The following NAALADL2 variants were observed in gnomAD, a reference collection of about 807,000 sequenced individuals.
The protein encoded by NAALADL2 is inactive N-acetylated-alpha-linked acidic dipeptidase-like protein 2.
Under a neutral mutation model 87.2 loss-of-function variants are expected in NAALADL2, and 76 were observed. The ratio of observed to expected loss-of-function variants is 0.87; its 90% CI spans 0.72 to 1.05. NAALADL2 has a LOEUF of 1.05. Ranked by LOEUF, NAALADL2 falls within the 50% of genes least tolerant of loss-of-function variation. The pLI is 0.00. For synonymous variants in NAALADL2, 354 were observed against 331.0 expected (o/e 1.07, Z -0.75); for missense variants, 1,089 against 945.8 (o/e 1.15, Z -1.99).
chr3:175,636,705 AAAAAAAAAAG>A (rs905909498), intron 11 of NAALADL2, among the ~76,000 whole-genome samples: 6 of 151,010 alleles, frequency 4.0e-5, no homozygotes, highest in Non-Finnish European at 7.4e-5. Context: ...CTAAAAAAAA[AAAAAAAAAAG>A]AAAAAAAAAG....
rs145688436 is a variant in NAALADL2, at chr3:174,949,304, T to C, written c.43+89854T>C. On this transcript the variant is annotated intron_variant, in intron 1 of 13. Coordinates refer to ENST00000454872, the MANE Select transcript of NAALADL2 (RefSeq NM_207015.3). The stretch of plus-strand genomic sequence containing the variant: ...GGTGCAAGTGTCCCCAGAAAGCCAA[T>C]TGGAATCTATTTTACCTGTTACGAC... Among the ~76,000 whole-genome samples, 1,176 of 152,192 alleles carry C rather than the reference T, an allele frequency of 7.7e-3. 6 individuals are homozygous for C. Among genetic ancestry groups the C allele is most frequent in the Middle Eastern group, 0.037 (11 of 294 alleles).
intron 9 of NAALADL2, among the ~76,000 whole-genome samples, chr3:175,553,821 ATTAAT>A (rs1341748520): frequency 4.6e-5 from 7 of 151,590 alleles, no homozygotes; most frequent in Non-Finnish European, 8.8e-5. Flanking sequence ...ATCAGTATTG[ATTAAT>A]TTATTAATTT....
At chr3:175,042,218 GGTTC>G (rs1754156530) in intron 1 of NAALADL2, among the ~76,000 whole-genome samples, 1 of 151,942 alleles carries the variant, frequency 6.6e-6, no homozygotes, top group Non-Finnish European at 1.5e-5. Flanking sequence ...ATGTCCTCCA[GGTTC>G]ATTTATGTTA....
At chr3:175,208,103 C>T (rs971354552) in intron 2 of NAALADL2, among the ~76,000 whole-genome samples, 3 of 152,116 alleles carry the variant, frequency 2.0e-5, no homozygotes, top group Non-Finnish European at 2.9e-5. Context: ...TGTTCATGTT[C>T]CTCCATCTGA....
intron 3 of NAALADL2, among the ~76,000 whole-genome samples, chr3:174,774,075 C>CT (rs1714907347): frequency 6.6e-6 from 1 of 152,148 alleles, no homozygotes. Context: ...CTACTGTACT[C>CT]TTTTCACTAT....
At chr3:174,961,041 AAT>A (rs145962467) in intron 1 of NAALADL2, among the ~76,000 whole-genome samples, 3 of 146,624 alleles carry the variant, frequency 2.0e-5, no homozygotes, top group East Asian at 3.9e-4. Flanking sequence ...TGTTTCTAAA[AAT>A]ATATATATAT....
At chr3:175,015,981 T>C (rs1297097303) in intron 1 of NAALADL2, among the ~76,000 whole-genome samples, 1 of 151,666 alleles carries the variant, frequency 6.6e-6, no homozygotes, top group Non-Finnish European at 1.5e-5. Context: ...TCTACTGTTT[T>C]GGGGGGAGGA....
At chr3:175,001,248 C>G (rs751172352) in intron 1 of NAALADL2, among the ~76,000 whole-genome samples, 2 of 152,174 alleles carry the variant, frequency 1.3e-5, no homozygotes, top group African/African-American at 2.4e-5. Context: ...TTCAGTAGGT[C>G]TAGAGCCTGG....
At chr3:174,696,433 C>T (rs1170892243) in intron 2 of NAALADL2, among the ~76,000 whole-genome samples, 6 of 151,876 alleles carry the variant, frequency 4.0e-5, no homozygotes, top group African/African-American at 7.2e-5. Flanking sequence ...GAAAAATAAA[C>T]ACCTTGGCTG....
At chr3:175,568,276 A>C (rs1426991867) in intron 9 of NAALADL2, among the ~76,000 whole-genome samples, 2 of 152,158 alleles carry the variant, frequency 1.3e-5, no homozygotes, top group Admixed American at 6.5e-5. Flanking sequence ...TGCATCATTA[A>C]ATATTGGGTA....
At chr3:175,506,058 A>G (rs1232629693) in intron 9 of NAALADL2, among the ~76,000 whole-genome samples, 1 of 152,160 alleles carries the variant, frequency 6.6e-6, no homozygotes, top group Non-Finnish European at 1.5e-5. Context: ...AATTCTGACT[A>G]CTGCCATCAT....
chr3:175,752,111 A>G (rs2093202285), intron 12 of NAALADL2, among the ~76,000 whole-genome samples: 1 of 152,080 alleles, frequency 6.6e-6, no homozygotes, highest in Admixed American at 6.6e-5. Flanking sequence ...CATTCACTCA[A>G]CAAATTTATT....
chr3:175,055,993 CAG>C (rs1479370220), intron 1 of NAALADL2, among the ~76,000 whole-genome samples: 1 of 152,138 alleles, frequency 6.6e-6, no homozygotes, highest in Non-Finnish European at 1.5e-5. Flanking sequence ...TGTATTCTAA[CAG>C]GGGACTGCCA....
intron 13 of NAALADL2, among the ~76,000 whole-genome samples, chr3:175,779,301 C>CCTAT (rs1750690122): frequency 6.6e-6 from 1 of 152,142 alleles, no homozygotes. Context: ...GCCAAAGCAG[C>CCTAT]CTATCTGGGG....
rs1253914828 is a variant in NAALADL2, at chr3:175,805,403, T to TTAAC, written c.*2203_*2206dup. 4.6e-5 allele frequency: 7 copies of TTAAC among 152,034 alleles called. No homozygotes were observed. The highest frequency in any genetic ancestry group is 1.7e-4 in the African/African-American group (7 of 41,504). The allele number at this position is 152,034 out of a possible 1,614,324, so 9.4% of individuals were successfully genotyped here. On this transcript the variant is annotated 3_prime_UTR_variant, in exon 14 of 14. Transcript: ENST00000454872. ...GTTATTTGCTATTTGAAAACTGTAG[T>TTAAC]TAACTATGGTTTTTTATTAGTCTAT...
chr3:175,376,385 A>G (rs1214539549), intron 5 of NAALADL2, among the ~76,000 whole-genome samples: 1 of 152,046 alleles, frequency 6.6e-6, no homozygotes, highest in Non-Finnish European at 1.5e-5. Context: ...ATTTTAAAGG[A>G]TATTTATAAT....
In NAALADL2 at chr3:175,251,934, A is replaced by AT. The variant is rs372830547; in HGVS notation, c.820-4471dup. Among the ~76,000 whole-genome samples the AT allele has an allele frequency of 1.1e-3, 168 of 152,316 alleles. 1 individual carries two copies. The highest frequency in any genetic ancestry group is 3.9e-4 in the East Asian group (2 of 5,188). ...TACAACGTTGTCTGTATTTAGAACT[A>AT]TTTTTTGTGGGAAAAACTACAAATC... On this transcript the variant is annotated intron_variant, in intron 3 of 13. Coordinates refer to ENST00000454872, the MANE Select transcript of NAALADL2 (RefSeq NM_207015.3).
At chr3:174,746,387 G>A (rs1377871530) in intron 3 of NAALADL2, among the ~76,000 whole-genome samples, 2 of 152,018 alleles carry the variant, frequency 1.3e-5, no homozygotes, top group Non-Finnish European at 1.5e-5. Context: ...TGTCAAGGAT[G>A]TCTTCAAGGA....
chr3:175,128,780 G>A (rs2108613354), intron 2 of NAALADL2, among the ~76,000 whole-genome samples: 1 of 151,978 alleles, frequency 6.6e-6, no homozygotes, highest in East Asian at 1.9e-4. Context: ...GACTGTAAAT[G>A]CCATCAAATC....
Sources: allele counts gnomAD v4.1 joint callset (sites outside exome capture counted in the v4.1 genomes callset), GRCh38; gene constraint gnomAD v4.1.1; transcripts MANE v1.5; gene names NCBI Gene and HGNC (gene_info 2026-07-23, HGNC 2026-07-21).